Variants in CRISPLD2 observed in about 807,000 individuals in gnomAD.
CRISPLD2 encodes the protein cysteine-rich secretory protein LCCL domain-containing 2.
A neutral mutation model predicts 71.1 loss-of-function variants in CRISPLD2; 47 were observed. The ratio of observed to expected loss-of-function variants is 0.66; its 90% CI spans 0.52 to 0.84. CRISPLD2 has a LOEUF of 0.84. Among genes scored for constraint, CRISPLD2 ranks in the 40% least tolerant of loss-of-function variants. The pLI is 0.00. For missense variants in CRISPLD2, 830 were observed against 651.1 expected, an observed-to-expected ratio of 1.27 and a Z score of -2.99; for synonymous variants, 317 against 250.1, an observed-to-expected ratio of 1.27 and a Z score of -2.52.
intron 1 of CRISPLD2, among the ~76,000 whole-genome samples, chr16:84,821,522 T>C (rs1916230437): frequency 6.6e-6 from 1 of 152,108 alleles, no homozygotes; most frequent in South Asian, 2.1e-4. Context: ...TTGCCTAAGA[T>C]CCCCCAGCTG....
intron 1 of CRISPLD2, among the ~76,000 whole-genome samples, chr16:84,821,002 G>A: frequency 6.6e-6 from 1 of 152,232 alleles, no homozygotes; most frequent in East Asian, 1.9e-4. Flanking sequence ...GCTGATGCCT[G>A]CTCATCGCAG....
rs1459299202 is a variant in CRISPLD2, at chr16:84,849,219, C to A, written c.360-166C>A. The A allele has an allele frequency of 1.4e-5, 9 of 653,574 alleles. No individual in the cohort carries two copies. In the African/African-American group the frequency reaches 1.6e-4, roughly 12 times the overall value. The allele number at this position is 653,574 out of a possible 1,614,324, so 40.5% of individuals were successfully genotyped here. On this transcript the variant is annotated intron_variant, in intron 3 of 14. Transcript: ENST00000262424. ...CTGCTCCTGGAATTGGGGGCTATTC[C>A]GCCTCCTCGGCCTCCCTCCCTCCCG...
rs114870638 is a variant in CRISPLD2 at position 84,875,867 on chromosome 16, G to C, written c.1157-1571G>C. The stretch of plus-strand genomic sequence containing the variant: ...ATGCGTGAGCCATTGCACCCGGCCT[G>C]GACACCCTTGCTTTAAATGTTCTTC... On this transcript the variant is annotated intron_variant, in intron 11 of 14. Coordinates refer to ENST00000262424, the MANE Select transcript of CRISPLD2 (RefSeq NM_031476.4). Among the ~76,000 whole-genome samples the C allele has an allele frequency of 2.1e-3, 320 of 150,664 alleles. 1 individual carries two copies. Among genetic ancestry groups the C allele is most frequent in the African/African-American group, 7.4e-3 (302 of 40,994 alleles).
intron 13 of CRISPLD2, among the ~76,000 whole-genome samples, chr16:84,885,100 C>T (rs1316627611): frequency 6.6e-6 from 1 of 152,206 alleles, no homozygotes; most frequent in Non-Finnish European, 1.5e-5. Context: ...AACCATTGAT[C>T]CTGAACGCTG....
chr16:84,840,280 G>T (rs935583725), intron 2 of CRISPLD2, among the ~76,000 whole-genome samples: 2 of 152,156 alleles, frequency 1.3e-5, no homozygotes, highest in Non-Finnish European at 2.9e-5. Context: ...GCTATTACGT[G>T]CCACGTGAAT....
At chr16:84,872,281 C>A (rs948182242) in intron 8 of CRISPLD2, among the ~76,000 whole-genome samples, 161 bp from the exon 9 acceptor site, 1 of 152,158 alleles carries the variant, frequency 6.6e-6, no homozygotes, top group Non-Finnish European at 1.5e-5. Flanking sequence ...AATCAGTCTG[C>A]GCCTGGGTAA....
At chr16:84,876,853 A>G (rs903630045) in intron 11 of CRISPLD2, among the ~76,000 whole-genome samples, 11 of 152,266 alleles carry the variant, frequency 7.2e-5, no homozygotes, top group African/African-American at 2.7e-4. Context: ...ACATGCTGTC[A>G]GAGATCACAG....
At chr16:84,891,347 C>A (rs538460543) in intron 14 of CRISPLD2, among the ~76,000 whole-genome samples, 1 of 152,330 alleles carries the variant, frequency 6.6e-6, no homozygotes, top group African/African-American at 2.4e-5. Context: ...CTTGCCCTGT[C>A]TGTGAAGATG....
chr16:84,885,864 G>A (rs2071608544), intron 13 of CRISPLD2, among the ~76,000 whole-genome samples: 1 of 139,140 alleles, frequency 7.2e-6, no homozygotes, highest in South Asian at 2.3e-4. Context: ...TGTCACACAG[G>A]CTGGAGTGCA....
At chr16:84,820,890 G>A (rs181309479) in intron 1 of CRISPLD2, among the ~76,000 whole-genome samples, 13 of 152,142 alleles carry the variant, frequency 8.5e-5, no homozygotes, top group Non-Finnish European at 1.9e-4. Context: ...GGGGGAGATC[G>A]GTCGTCCCAC....
In CRISPLD2 at chr16:84,907,123, A is replaced by T; in HGVS notation, c.*481A>T. On this transcript the variant is annotated 3_prime_UTR_variant, in exon 15 of 15. Transcript: ENST00000262424. ...TAGAAGGTAGTTATTTAAAAATAAA[A>T]AACACAGTCCGTCCCTACCAATAGA... The T allele has an allele frequency of 5.6e-6, 1 of 179,834 alleles. No homozygotes were observed. Among genetic ancestry groups the T allele is most frequent in the South Asian group, 1.1e-4 (1 of 9,408 alleles). 11.1% of individuals were successfully genotyped at this position (179,834 alleles called of 1,614,324 possible).
At chr16:84,854,499 C>T (rs935141764) in intron 5 of CRISPLD2, among the ~76,000 whole-genome samples, 1 of 152,156 alleles carries the variant, frequency 6.6e-6, no homozygotes, top group African/African-American at 2.4e-5. Flanking sequence ...TGTGGAAGGG[C>T]ATCTTGTAGC....
rs766462225 is a variant in CRISPLD2, at chr16:84,880,519, C to T, written c.1240C>T (p.Pro414Ser). Residue 414 changes from proline (P) to serine (S), a missense_variant, in exon 13 of 15, where the codon CCG (proline) becomes TCG (serine). Physicochemically the swap from Pro to Ser is moderately conservative, Grantham distance 74. Coordinates refer to ENST00000262424, the MANE Select transcript of CRISPLD2 (RefSeq NM_031476.4). ...PATHCPRIHCPAHCKDEPSYW... is the reference protein window; with the variant it reads ...PATHCPRIHCSAHCKDEPSYW... Reference sequence around the variant, plus strand: ...CTTCCTGTTTTTCAGAATCCATTGTCCGGCACACTGCAAAGACGAACCTTC... The same window carrying T: ...CTTCCTGTTTTTCAGAATCCATTGTTCGGCACACTGCAAAGACGAACCTTC... 6.2e-7 allele frequency: 1 copy of T among 1,613,342 alleles called. No individual in the cohort carries two copies. Among genetic ancestry groups the T allele is most frequent in the South Asian group, 1.1e-5 (1 of 91,014 alleles).
intron 14 of CRISPLD2, among the ~76,000 whole-genome samples, chr16:84,892,378 C>G (rs936608454): frequency 1.3e-5 from 2 of 152,220 alleles, no homozygotes; most frequent in African/African-American, 4.8e-5. Context: ...ACAAGTCAGT[C>G]AGCACACACG....
chr16:84,886,375 G>T (rs528446496), intron 13 of CRISPLD2, among the ~76,000 whole-genome samples: 19 of 152,332 alleles, frequency 1.2e-4, no homozygotes, highest in Non-Finnish European at 2.8e-4. Flanking sequence ...CCCCGGATGG[G>T]CCGAGGACAG....
Position 84,872,448 on chromosome 16 carries a change from G to A in CRISPLD2, c.921G>A (p.Gln307=). 6.2e-7 allele frequency: 1 copy of A among 1,613,876 alleles called. No homozygotes were observed. Among genetic ancestry groups the A allele is most frequent in the Non-Finnish European group, 8.5e-7 (1 of 1,179,838 alleles). Residue 307 remains glutamine (Q), a synonymous_variant, in exon 9 of 15, where the codon CAG becomes CAA. Transcript: ENST00000262424. Reference sequence around the variant, plus strand: ...TTTATTTCTTCCTCGTCAGGTACCAGTGCCCAGCAGGCTGCCTGAACCACA... The same window carrying A: ...TTTATTTCTTCCTCGTCAGGTACCAATGCCCAGCAGGCTGCCTGAACCACA... ...RCKGSTCNRY[Q]CPAGCLNHKA...
intron 1 of CRISPLD2, chr16:84,836,428 T>C (rs1466716): frequency 0.89 from 135,112 of 152,224 alleles, 60,433 homozygotes; most frequent in African/African-American, 0.97. Flanking sequence ...TGCTTCCCAG[T>C]GGGACGAGTA....
chr16:84,837,165 C>G (rs1597449357), intron 1 of CRISPLD2, among the ~76,000 whole-genome samples: 1 of 152,214 alleles, frequency 6.6e-6, no homozygotes, highest in South Asian at 2.1e-4. Flanking sequence ...CGTGGACGCA[C>G]TCGTTCAAGC....
chr16:84,899,125 A>C (rs903474559), intron 14 of CRISPLD2, among the ~76,000 whole-genome samples: 2 of 152,158 alleles, frequency 1.3e-5, no homozygotes, highest in Non-Finnish European at 2.9e-5. Context: ...TCCTGGGTTC[A>C]AGCAATCGCC....
Sources: allele counts gnomAD v4.1 joint callset (sites outside exome capture counted in the v4.1 genomes callset), GRCh38; gene constraint gnomAD v4.1.1; transcripts MANE v1.5; gene names NCBI Gene and HGNC (gene_info 2026-07-23, HGNC 2026-07-21).